Variants in IER3IP1 observed in about 807,000 individuals in gnomAD.
IER3IP1 encodes the protein immediate early response 3 interacting protein 1.
In IER3IP1, 16 loss-of-function variants were observed where a neutral mutation model predicts 12.2. The ratio of observed to expected loss-of-function variants is 1.31; its 90% CI spans 0.89 to 1.99. The LOEUF (loss-of-function observed/expected upper bound fraction) is 1.99. Ranked by LOEUF, IER3IP1 falls within the 30% of genes most tolerant of loss-of-function variation. The pLI, the probability that IER3IP1 is intolerant of heterozygous loss-of-function variation, is 0.00. For missense variants in IER3IP1, 95 were observed against 95.8 expected, an observed-to-expected ratio of 0.99 and a Z score of 0.03; for synonymous variants, 42 against 40.0, an observed-to-expected ratio of 1.05 and a Z score of -0.19.
chr18:47,165,971 A>G (rs1349536925), intron 1 of IER3IP1, among the ~76,000 whole-genome samples: 1 of 152,250 alleles, frequency 6.6e-6, no homozygotes, highest in Non-Finnish European at 1.5e-5. Context: ...GGATGTTTCT[A>G]TTGTGGTGTT....
At chr18:47,164,109 C>T (rs1296673639) in intron 1 of IER3IP1, among the ~76,000 whole-genome samples, 1 of 151,712 alleles carries the variant, frequency 6.6e-6, no homozygotes, top group Non-Finnish European at 1.5e-5. Context: ...CATATTTTTT[C>T]ACATGTGAGA....
chr18:47,167,815 C>T (rs1054296635), intron 1 of IER3IP1, among the ~76,000 whole-genome samples: 1 of 152,078 alleles, frequency 6.6e-6, no homozygotes, highest in African/African-American at 2.4e-5. Context: ...ATGTTAGACA[C>T]ATTGCAGGTG....
At chr18:47,156,306 T>C (rs1282191546) in intron 2 of IER3IP1, 74 bp from the exon 3 acceptor site, 3 of 816,910 alleles carry the variant, frequency 3.7e-6, no homozygotes, top group Non-Finnish European at 6.3e-6. Flanking sequence ...ATAATTAGCC[T>C]CCAGGAACAA....
intron 1 of IER3IP1, among the ~76,000 whole-genome samples, chr18:47,171,204 T>A (rs1343661332): frequency 6.6e-6 from 1 of 152,232 alleles, no homozygotes; most frequent in Non-Finnish European, 1.5e-5. Flanking sequence ...AATCCTGTAC[T>A]CCCAAGATAA....
chr18:47,162,772 A>G (rs1016693507), intron 1 of IER3IP1, among the ~76,000 whole-genome samples: 1 of 152,202 alleles, frequency 6.6e-6, no homozygotes, highest in African/African-American at 2.4e-5. Flanking sequence ...GGGTCCAATC[A>G]GAAAACAGCC....
intron 1 of IER3IP1, among the ~76,000 whole-genome samples, chr18:47,168,749 C>G (rs2064005503): frequency 6.6e-6 from 1 of 152,198 alleles, no homozygotes; most frequent in Non-Finnish European, 1.5e-5. Flanking sequence ...AAGAGTGAAA[C>G]TGTAGGACCA....
chr18:47,159,328 A>T (rs2063972090), intron 1 of IER3IP1, among the ~76,000 whole-genome samples: 1 of 152,236 alleles, frequency 6.6e-6, no homozygotes, highest in Non-Finnish European at 1.5e-5. Flanking sequence ...CAAGATAACA[A>T]GAAATTTTAT....
intron 1 of IER3IP1, among the ~76,000 whole-genome samples, chr18:47,165,229 T>C (rs926971653): frequency 6.6e-6 from 1 of 152,210 alleles, no homozygotes; most frequent in Non-Finnish European, 1.5e-5. Flanking sequence ...ACTCTGCTAA[T>C]GTAAGTTTTT....
chr18:47,154,813 T>C lies in IER3IP1; in HGVS notation c.*1364A>G, dbSNP rs1004487452. On this transcript the variant is annotated 3_prime_UTR_variant, in exon 3 of 3. Transcript: ENST00000256433. The stretch of plus-strand genomic sequence containing the variant: ...GTACTTAATACCTGCTCCATAGTTT[T>C]AGAAGTAACTGAAGTCATGAAATAA... 1.3e-5 allele frequency: 2 copies of C among 152,208 alleles called. No individual in the cohort carries two copies. Among genetic ancestry groups the C allele is most frequent in the Admixed American group, 1.3e-4 (2 of 15,284 alleles). The allele number at this position is 152,208 out of a possible 1,614,324, so 9.4% of individuals were successfully genotyped here.
intron 1 of IER3IP1, among the ~76,000 whole-genome samples, chr18:47,171,048 C>G (rs1164059776): frequency 6.6e-6 from 1 of 150,868 alleles, no homozygotes; most frequent in South Asian, 2.1e-4. Context: ...AAGAAAGTTC[C>G]CTCCTATTGT....
At chr18:47,161,603 A>AC (rs1040343972) in intron 1 of IER3IP1, among the ~76,000 whole-genome samples, 1 of 151,724 alleles carries the variant, frequency 6.6e-6, no homozygotes, top group African/African-American at 2.4e-5. Flanking sequence ...ATCCTACCAC[A>AC]CCCTTCCAAG....
chr18:47,161,254 A>G (rs1187372890), intron 1 of IER3IP1, among the ~76,000 whole-genome samples: 1 of 152,168 alleles, frequency 6.6e-6, no homozygotes, highest in Admixed American at 6.5e-5. Context: ...TGTCACTGAG[A>G]TATGCTGTGG....
intron 1 of IER3IP1, among the ~76,000 whole-genome samples, chr18:47,162,065 T>C (rs2063981527): frequency 6.6e-6 from 1 of 152,090 alleles, no homozygotes. Context: ...TAAATACAGA[T>C]GATACTTAGT....
At chr18:47,160,147 A>C (rs1164197349) in intron 1 of IER3IP1, among the ~76,000 whole-genome samples, 1 of 151,192 alleles carries the variant, frequency 6.6e-6, no homozygotes, top group Non-Finnish European at 1.5e-5. Flanking sequence ...GTGAGCCGAG[A>C]CCGTGCCATT....
In IER3IP1 at chr18:47,159,019, G is replaced by A. The variant is rs546376283; in HGVS notation, c.92-1482C>T. Among the ~76,000 whole-genome samples the A allele has an allele frequency of 1.9e-3, 294 of 152,060 alleles. 2 individuals carry two copies. Among genetic ancestry groups the A allele is most frequent in the African/African-American group, 6.9e-3 (288 of 41,492 alleles). On this transcript the variant is annotated intron_variant, in intron 1 of 2. Transcript: ENST00000256433. The stretch of plus-strand genomic sequence containing the variant: ...ATTTGAGAAACATAAAAACACAACA[G>A]AACACTTCAAAGGCCACTTTACACA...
chr18:47,170,198 T>C (rs752982117), intron 1 of IER3IP1, among the ~76,000 whole-genome samples: 6 of 152,158 alleles, frequency 3.9e-5, no homozygotes, highest in Non-Finnish European at 8.8e-5. Context: ...GGCACCCTTA[T>C]TGAAAATCAA....
At chr18:47,157,303 AAGC>A (rs1329752630) in intron 2 of IER3IP1, 130 bp downstream of exon 2, 5 of 710,394 alleles carry the variant, frequency 7.0e-6, no homozygotes, top group Non-Finnish European at 1.2e-5. Flanking sequence ...AGTAACTTTC[AAGC>A]AGCAAAGCCA....
Position 47,156,173 on chromosome 18 carries a change from A to T in IER3IP1, c.*4T>A. ...TTCTGAGTCTCCATTTTCTCCACTGATATTCATCCAAATAATAAAAGTAAC... is the reference window on the plus strand; with the variant it reads ...TTCTGAGTCTCCATTTTCTCCACTGTTATTCATCCAAATAATAAAAGTAAC... On this transcript the variant is annotated 3_prime_UTR_variant, in exon 3 of 3. Transcript: ENST00000256433. 1 of 1,511,296 alleles carries T rather than the reference A, an allele frequency of 6.6e-7. No individual in the cohort carries two copies. The highest frequency in any genetic ancestry group is 9.2e-7 in the Non-Finnish European group (1 of 1,086,520). 93.6% of individuals were successfully genotyped at this position (1,511,296 alleles called of 1,614,324 possible).
intron 1 of IER3IP1, among the ~76,000 whole-genome samples, chr18:47,169,254 T>C (rs976432196): frequency 6.6e-6 from 1 of 152,246 alleles, no homozygotes; most frequent in Non-Finnish European, 1.5e-5. Context: ...TTCATCCATA[T>C]TGTAGTGTGT....
Sources: gnomAD v4.1 joint callset for allele counts (sites outside exome capture counted in the v4.1 genomes callset) on GRCh38, gnomAD v4.1.1 for gene constraint, MANE v1.5 for transcripts, NCBI Gene and HGNC (gene_info 2026-07-23, HGNC 2026-07-21) for gene names.